The following HSPA12A variants were observed in gnomAD, a reference collection of about 807,000 sequenced individuals.
HSPA12A encodes the protein heat shock 70 kDa protein 12A.
A neutral mutation model predicts 69.2 loss-of-function variants in HSPA12A; 28 were observed. The ratio of observed to expected loss-of-function variants is 0.40; its 90% confidence interval spans 0.30 to 0.55. The LOEUF is 0.55. HSPA12A is among the 20% of genes least tolerant of loss of function. The pLI, the probability that HSPA12A is intolerant of heterozygous loss-of-function variation, is 0.38. For synonymous variants in HSPA12A, 345 were observed against 370.5 expected, an observed-to-expected ratio of 0.93 and a Z score of 0.79; for missense variants, 686 against 900.7, an observed-to-expected ratio of 0.76 and a Z score of 3.05.
At chr10:116,705,918 C>T (rs1457617607) in intron 2 of HSPA12A, among the ~76,000 whole-genome samples, 6 of 119,734 alleles carry the variant, frequency 5.0e-5, no homozygotes, top group South Asian at 2.7e-4. Flanking sequence ...TTTTTTGAGA[C>T]GGAGTCTCGC....
chr10:116,779,428 C>T (rs951106932), intron 2 of HSPA12A, among the ~76,000 whole-genome samples: 3 of 152,170 alleles, frequency 2.0e-5, no homozygotes, highest in African/African-American at 7.2e-5. Context: ...GCTGTGGCCC[C>T]TCCCTCAGAG....
At chr10:116,825,656 T>C (rs1254579978) in intron 2 of HSPA12A, among the ~76,000 whole-genome samples, 2 of 152,178 alleles carry the variant, frequency 1.3e-5, no homozygotes, top group Non-Finnish European at 2.9e-5. Flanking sequence ...CAGGTGTATC[T>C]ATAGTGACCA....
At chr10:116,803,920 T>C (rs1845012512) in intron 2 of HSPA12A, among the ~76,000 whole-genome samples, 2 of 152,118 alleles carry the variant, frequency 1.3e-5, no homozygotes, top group South Asian at 4.1e-4. Flanking sequence ...CACCCCCTTT[T>C]GAAAATAACA....
chr10:116,698,804 G>C (rs1554881253), intron 4 of HSPA12A, 65 bp from the exon 5 acceptor site: 9 of 1,308,298 alleles, frequency 6.9e-6, no homozygotes. Flanking sequence ...CCTGGCTTTG[G>C]GGACTGCTCC....
intron 2 of HSPA12A, among the ~76,000 whole-genome samples, chr10:116,759,407 T>C (rs1843922916): frequency 6.6e-6 from 1 of 152,158 alleles, no homozygotes. Context: ...CTTCTCAGAA[T>C]CCCCTCAGCC....
intron 2 of HSPA12A, among the ~76,000 whole-genome samples, chr10:116,760,183 C>A (rs1285416378): frequency 6.6e-6 from 1 of 152,226 alleles, no homozygotes; most frequent in Non-Finnish European, 1.5e-5. Flanking sequence ...CTCTTCAAGT[C>A]ATGGTTAATC....
chr10:116,810,803 T>A (rs1215427869), intron 2 of HSPA12A, among the ~76,000 whole-genome samples: 1 of 152,180 alleles, frequency 6.6e-6, no homozygotes, highest in Non-Finnish European at 1.5e-5. Flanking sequence ...AAATTTCCCC[T>A]ACAGCTCCTC....
upstream of HSPA12A, among the ~76,000 whole-genome samples, chr10:116,745,138 C>T (rs1237679533): frequency 1.3e-5 from 2 of 152,266 alleles, no homozygotes; most frequent in Admixed American, 1.3e-4. Flanking sequence ...CTCGCCCCCA[C>T]TGGGAAGTAA....
intron 2 of HSPA12A, among the ~76,000 whole-genome samples, chr10:116,808,396 C>T (rs746278731): frequency 1.3e-5 from 2 of 152,054 alleles, no homozygotes; most frequent in Non-Finnish European, 2.9e-5. Flanking sequence ...CTCTGTTGGT[C>T]GCCCCAAGAA....
chr10:116,746,112 C>G (rs1315174680), upstream of HSPA12A, among the ~76,000 whole-genome samples: 2 of 152,108 alleles, frequency 1.3e-5, no homozygotes, highest in Non-Finnish European at 2.9e-5. Context: ...CAGCTTCAGG[C>G]CTTTCTCATC....
chr10:116,787,361 T>C (rs530880707), intron 2 of HSPA12A, among the ~76,000 whole-genome samples: 1 of 142,976 alleles, frequency 7.0e-6, no homozygotes, highest in Non-Finnish European at 1.5e-5. Context: ...CCACTGCTCC[T>C]AATAAGCACA....
chr10:116,704,960 C>T (rs1554882146), intron 3 of HSPA12A, among the ~76,000 whole-genome samples, 191 bp downstream of exon 3: 1 of 152,228 alleles, frequency 6.6e-6, no homozygotes, highest in African/African-American at 2.4e-5. Context: ...AAACCAACGT[C>T]TTTTCAAACC....
intron 6 of HSPA12A, among the ~76,000 whole-genome samples, chr10:116,685,403 G>A (rs992487012): frequency 6.6e-5 from 10 of 151,998 alleles, no homozygotes; most frequent in African/African-American, 2.4e-4. Flanking sequence ...GGGAGGCTGA[G>A]GCGGGCAGAT....
At chr10:116,772,611 TG>T (rs1844236432) in intron 2 of HSPA12A, among the ~76,000 whole-genome samples, 1 of 152,212 alleles carries the variant, frequency 6.6e-6, no homozygotes, top group African/African-American at 2.4e-5. Flanking sequence ...GTTTTATCCC[TG>T]GGCCCTATCT....
Position 116,774,883 on chromosome 10 carries a change from G to T in HSPA12A, c.91+60052C>A, listed in dbSNP as rs187238471. On this transcript the variant is annotated intron_variant, in intron 2 of 12. Coordinates refer to the HSPA12A transcript ENST00000635765. ...CTGCCGGCTCCTGCACCAGCCCCTCGTGTTGGCTATACTGCCATGGCATAG... is the reference window on the plus strand; with the variant it reads ...CTGCCGGCTCCTGCACCAGCCCCTCTTGTTGGCTATACTGCCATGGCATAG... 3.9e-5 allele frequency among the ~76,000 whole-genome samples: 6 copies of T among 152,088 alleles called. No individual in the cohort carries two copies. The South Asian group carries it at 1.2e-3, about 32-fold the overall frequency.
chr10:116,792,173 T>G (rs1844712477), intron 2 of HSPA12A, among the ~76,000 whole-genome samples: 1 of 147,934 alleles, frequency 6.8e-6, no homozygotes, highest in Admixed American at 7.0e-5. Context: ...CGTACATGCA[T>G]GTACGTTGAT....
At chr10:116,838,640 T>A (rs1004362397) in intron 1 of HSPA12A, among the ~76,000 whole-genome samples, 1 of 152,228 alleles carries the variant, frequency 6.6e-6, no homozygotes, top group African/African-American at 2.4e-5. Context: ...TGGATCTCCA[T>A]AGCACATTTT....
At chr10:116,800,297 G>A (rs1188071567) in intron 2 of HSPA12A, among the ~76,000 whole-genome samples, 2 of 152,220 alleles carry the variant, frequency 1.3e-5, no homozygotes, top group African/African-American at 4.8e-5. Context: ...AGTTCTGAGA[G>A]CTGATGACCC....
intron 2 of HSPA12A, chr10:116,831,059 C>T (rs1460475557): frequency 1.3e-5 from 2 of 152,282 alleles, no homozygotes; most frequent in African/African-American, 2.4e-5. Flanking sequence ...TTTCTCAGAA[C>T]ATATCCCTGT....
Sources: allele counts gnomAD v4.1 joint callset (sites outside exome capture counted in the v4.1 genomes callset), GRCh38; gene constraint gnomAD v4.1.1; transcripts MANE v1.5; gene names NCBI Gene and HGNC (gene_info 2026-07-23, HGNC 2026-07-21).